Variants in UBA52 observed in about 807,000 individuals in gnomAD.
UBA52 encodes ubiquitin-ribosomal protein eL40 fusion protein.
In UBA52, 1 loss-of-function variant was observed where a neutral mutation model predicts 15.3. The observed-to-expected ratio is 0.07, with a 90% confidence interval of 0.02 to 0.31. The LOEUF (loss-of-function observed/expected upper bound fraction) is 0.31, where lower values mean the gene tolerates loss of function less well. UBA52 is among the 10% of genes least tolerant of loss of function. The pLI, the probability that UBA52 is intolerant of heterozygous loss-of-function variation, is 1.00. For missense variants in UBA52, 87 were observed against 168.0 expected (o/e 0.52, Z 2.66); for synonymous variants, 50 against 58.3 (o/e 0.86, Z 0.65).
At chr19:18,568,251 G>A (rs1325394035), upstream of UBA52, 1 of 655,046 alleles carries the variant, frequency 1.5e-6, no homozygotes, top group Non-Finnish European at 2.7e-6. Flanking sequence ...TGGGCAAAGA[G>A]CGAAACTCCG....
chr19:18,574,434 A>C (rs1355202145), intron 3 of UBA52, among the ~76,000 whole-genome samples: 1 of 150,858 alleles, frequency 6.6e-6, no homozygotes, highest in East Asian at 2.0e-4. Flanking sequence ...GATTACAGGC[A>C]CCCGCCACCA....
At chr19:18,573,559 T>C in intron 2 of UBA52, 103 bp from the exon 3 acceptor site, 1 of 1,374,974 alleles carries the variant, frequency 7.3e-7, no homozygotes, top group Admixed American at 1.8e-5. Flanking sequence ...TCTACCTCAG[T>C]TGGCCTTTTG....
Position 18,576,076 on chromosome 19 carries a change from ACAT to A in UBA52, c.*929_*931del, listed in dbSNP as rs1400522500. 7 of 152,238 alleles carry A rather than the reference ACAT, an allele frequency of 4.6e-5. No individual in the cohort carries two copies. The highest frequency in any genetic ancestry group is 1.7e-4 in the African/African-American group (7 of 41,452). 9.4% of individuals were successfully genotyped at this position (152,238 alleles called of 1,614,324 possible). The stretch of plus-strand genomic sequence containing the variant: ...ACTCAGTTTTGAATCTGAGGCCGTG[ACAT>A]CACTCATGGTCTGCAGTCAGTGCTC... On this transcript the variant is annotated 3_prime_UTR_variant, in exon 5 of 5. Transcript: ENST00000442744.
At chr19:18,570,198 CT>C (rs55896114), upstream of UBA52, among the ~76,000 whole-genome samples, 22 of 148,200 alleles carry the variant, frequency 1.5e-4, no homozygotes, top group South Asian at 4.2e-4. Flanking sequence ...GTACTCAGCA[CT>C]TTTTTTTTTT....
At chr19:18,570,252 G>A (rs183215132), upstream of UBA52, among the ~76,000 whole-genome samples, 7 of 151,598 alleles carry the variant, frequency 4.6e-5, no homozygotes. Flanking sequence ...CCAGGCTGGA[G>A]TGCAGTGGCT....
chr19:18,569,150 A>G, upstream of UBA52: 1 of 160,504 alleles, frequency 6.2e-6, no homozygotes, highest in South Asian at 1.7e-4. Flanking sequence ...AGATAGGTAG[A>G]AGTCTTGAGA....
chr19:18,568,703 G>A, upstream of UBA52: 2 of 1,188,750 alleles, frequency 1.7e-6, no homozygotes, highest in Admixed American at 2.0e-5. Context: ...ACCCTGCCTT[G>A]TTCTGTCATC....
chr19:18,573,493 C>G (rs1455247842), intron 2 of UBA52, 90 bp downstream of exon 2: 3 of 1,336,080 alleles, frequency 2.2e-6, no homozygotes, highest in African/African-American at 1.4e-5. Flanking sequence ...GTTGTGCTGA[C>G]TTTAGATCTG....
chr19:18,574,784 A>G, intron 3 of UBA52, 86 bp from the exon 4 acceptor site: 1 of 1,520,290 alleles, frequency 6.6e-7, no homozygotes, highest in African/African-American at 1.4e-5. Flanking sequence ...AGAAAGCAGC[A>G]GACTATAGGC....
At chr19:18,568,286 G>T (rs1461499006), upstream of UBA52, 4 of 695,800 alleles carry the variant, frequency 5.7e-6, no homozygotes, top group African/African-American at 1.8e-5. Context: ...AAAAAAAAGG[G>T]TCAAGTCATA....
intron 1 of UBA52, chr19:18,572,798 TAG>T (rs1269204262): frequency 9.9e-7 from 1 of 1,005,874 alleles, no homozygotes; most frequent in African/African-American, 1.7e-5. Flanking sequence ...AGCTTGGAGT[TAG>T]AGAGGAGAGA....
chr19:18,568,849 A>C, upstream of UBA52: 1 of 560,460 alleles, frequency 1.8e-6, no homozygotes, highest in South Asian at 2.2e-5. Context: ...ATTCTGCAAG[A>C]CCCCTCTGCC....
At chr19:18,570,723 T>C (rs1037158476), upstream of UBA52, among the ~76,000 whole-genome samples, 69 of 150,530 alleles carry the variant, frequency 4.6e-4, no homozygotes, top group African/African-American at 1.6e-3. Flanking sequence ...GTTTTGCTCT[T>C]GTTGCCCAGG....
upstream of UBA52, among the ~76,000 whole-genome samples, chr19:18,571,561 A>G (rs41292101): frequency 0.024 from 3,718 of 152,050 alleles, 150 homozygotes; most frequent in African/African-American, 0.084. Context: ...ATTCTCCTCT[A>G]CTCCGTTCAG....
upstream of UBA52, chr19:18,568,473 G>A: frequency 6.2e-7 from 1 of 1,614,078 alleles, no homozygotes; most frequent in Non-Finnish European, 8.5e-7. Flanking sequence ...GACCACCATT[G>A]CCACCTCAGA....
chr19:18,574,994 G>A, intron 4 of UBA52, 22 bp downstream of exon 4: 2 of 1,614,202 alleles, frequency 1.2e-6, no homozygotes, highest in Admixed American at 3.3e-5. Context: ...CCGATGCTTG[G>A]GGGGCTGTGG....
chr19:18,573,534 G>A, intron 2 of UBA52, 128 bp from the exon 3 acceptor site: 1 of 1,307,490 alleles, frequency 7.6e-7, no homozygotes, highest in African/African-American at 1.5e-5. Flanking sequence ...GTGATCTGAA[G>A]AACGTTTGTT....
At chr19:18,571,822 T>G (rs1222163470), upstream of UBA52, 1 of 152,356 alleles carries the variant, frequency 6.6e-6, no homozygotes, top group Non-Finnish European at 1.5e-5. Flanking sequence ...CGCAAGCGCT[T>G]TCGGCGGCGA....
upstream of UBA52, chr19:18,567,051 G>C (rs1975278835): frequency 4.5e-6 from 6 of 1,340,036 alleles, no homozygotes; most frequent in Non-Finnish European, 6.4e-6. Context: ...CCCTCAGCTG[G>C]CAGCAGGGGC....
Sources: allele counts gnomAD v4.1 joint callset (sites outside exome capture counted in the v4.1 genomes callset), GRCh38; gene constraint gnomAD v4.1.1; transcripts MANE v1.5; gene names NCBI Gene and HGNC (gene_info 2026-07-23, HGNC 2026-07-21).